SLC2A13: variants seen among roughly 807,000 people sequenced by gnomAD.
SLC2A13 encodes solute carrier family 2 member 13, also known as proton myo-inositol cotransporter.
A neutral mutation model predicts 64.4 loss-of-function variants in SLC2A13; 32 were observed. That is an observed-to-expected ratio of 0.50 (90% CI 0.37 to 0.67). The LOEUF (loss-of-function observed/expected upper bound fraction) is 0.67, where lower values mean the gene tolerates loss of function less well. SLC2A13 is among the 30% of genes least tolerant of loss of function. The pLI is 0.00. For missense variants in SLC2A13, 743 were observed against 829.2 expected, an observed-to-expected ratio of 0.90 and a Z score of 1.28; for synonymous variants, 338 against 327.1, an observed-to-expected ratio of 1.03 and a Z score of -0.36.
chr12:39,984,248 G>A (rs1591979551), intron 3 of SLC2A13, among the ~76,000 whole-genome samples: 1 of 151,862 alleles, frequency 6.6e-6, no homozygotes. Flanking sequence ...GTTAGTGGGT[G>A]CAGTGCACCA....
chr12:39,951,333 G>T lies in SLC2A13; in HGVS notation c.958C>A (p.Pro320Thr), dbSNP rs1235738516. 6.2e-7 allele frequency: 1 copy of T among 1,609,660 alleles called. No individual in the cohort carries two copies. Among genetic ancestry groups the T allele is most frequent in the East Asian group, 2.2e-5 (1 of 44,674 alleles). The stretch of plus-strand genomic sequence containing the variant: ...ACAATTAAAGCTCGGCGAGTTGGGG[G>T]ATAACTCAGCATTCTGCAGATCACA... ...GPVICRMLSYPPTRRALIVGC... is the reference protein window; with the variant it reads ...GPVICRMLSYTPTRRALIVGC... Residue 320 changes from proline to threonine, a missense_variant, in exon 4 of 10, where the codon CCC (proline) becomes ACC (threonine). By Grantham distance (38) the Pro-to-Thr change is conservative. Around this residue, in one of 2 missense-constraint regions of SLC2A13, gnomAD observed 448 missense variants for 447.4 expected, o/e 1.00. Transcript: ENST00000280871.
In SLC2A13 at chr12:39,759,271, TA is replaced by T; in HGVS notation, c.*754del. ...CCTTTAATCTGTTACTTTCTGAACA[TA>T]AAAGGTACTTCTCAAAACTTCCTAG... is the stretch of plus-strand genomic sequence containing the variant. On this transcript the variant is annotated 3_prime_UTR_variant, in exon 10 of 10. Transcript: ENST00000280871. 1 of 152,280 alleles carries T rather than the reference TA, an allele frequency of 6.6e-6. No individual in the cohort carries two copies. Among genetic ancestry groups the T allele is most frequent in the South Asian group, 2.1e-4 (1 of 4,820 alleles). The allele number at this position is 152,280 out of a possible 1,614,324, so 9.4% of individuals were successfully genotyped here.
In SLC2A13 at chr12:39,879,799, GGCAAGATT is replaced by G. The variant is rs370356717; in HGVS notation, c.1035-7846_1035-7839del. ...TAAGACTTTGAGGGACCATTGGGAA[GGCAAGATT>G]GTATTTTGCAACGTGAGAAGGACAT... On this transcript the variant is annotated intron_variant, in intron 4 of 9. Coordinates refer to ENST00000280871, the MANE Select transcript of SLC2A13 (RefSeq NM_052885.4). Among the ~76,000 whole-genome samples the G allele has an allele frequency of 6.9e-3, 1,047 of 152,272 alleles. 9 individuals are homozygous for G. Among genetic ancestry groups the G allele is most frequent in the African/African-American group, 0.024 (1,004 of 41,528 alleles).
At chr12:39,764,682 A>G in intron 8 of SLC2A13, 55 bp downstream of exon 8, 1 of 1,591,898 alleles carries the variant, frequency 6.3e-7, no homozygotes, top group South Asian at 1.2e-5. Context: ...TAGTTTATCT[A>G]CTCCAAAAAG....
At chr12:40,049,284 A>G (rs1948216261) in intron 1 of SLC2A13, among the ~76,000 whole-genome samples, 1 of 152,166 alleles carries the variant, frequency 6.6e-6, no homozygotes, top group Admixed American at 6.5e-5. Flanking sequence ...TCCTTAGATT[A>G]AGCCAGAACA....
At chr12:39,987,366 CCT>C (rs912121605) in intron 3 of SLC2A13, among the ~76,000 whole-genome samples, 2 of 152,140 alleles carry the variant, frequency 1.3e-5, no homozygotes, top group African/African-American at 2.4e-5. Flanking sequence ...CCAAATTTGC[CCT>C]GTCTCTTGAA....
Position 40,014,445 on chromosome 12 carries a change from CT to C in SLC2A13, c.925+13855del, listed in dbSNP as rs149986983. ...TCCATAAAAAGATTCCACTTGAATA[CT>C]TCAAAATTAAGTGTTGGACTAGTCC... On this transcript the variant is annotated intron_variant, in intron 3 of 9. Coordinates refer to ENST00000280871, the MANE Select transcript of SLC2A13 (RefSeq NM_052885.4). 1.7e-3 allele frequency among the ~76,000 whole-genome samples: 261 copies of C among 152,236 alleles called. 3 individuals are homozygous for C. The East Asian group carries it at 0.037, about 21-fold the overall frequency.
In SLC2A13 at chr12:39,911,184, C is replaced by T. The variant is rs954522070; in HGVS notation, c.1035-39223G>A. On this transcript the variant is annotated intron_variant, in intron 4 of 9. Coordinates refer to ENST00000280871, the MANE Select transcript of SLC2A13 (RefSeq NM_052885.4). ...CACTCTAATATGTGTTCCTGCTAGA[C>T]ACAGCATTTAACAGAGTGAACATGA... Among the ~76,000 whole-genome samples, 14 of 152,082 alleles carry T rather than the reference C, an allele frequency of 9.2e-5. 1 individual carries two copies. The highest frequency in any genetic ancestry group is 3.4e-4 in the African/African-American group (14 of 41,372).
rs547093218 is a variant in SLC2A13 at position 39,836,523 on chromosome 12, C to A, written c.1320-6295G>T. On this transcript the variant is annotated intron_variant, in intron 6 of 9. Transcript: ENST00000280871. Reference sequence around the variant, plus strand: ...GCAGGAGAAGGAAATAAAGGGTATTCAATTAGGAAAAGAGGAAGTCAAATT... The same window carrying A: ...GCAGGAGAAGGAAATAAAGGGTATTAAATTAGGAAAAGAGGAAGTCAAATT... Among the ~76,000 whole-genome samples, 919 of 151,510 alleles carry A rather than the reference C, an allele frequency of 6.1e-3. 8 individuals carry two copies. Among genetic ancestry groups the A allele is most frequent in the African/African-American group, 0.021 (872 of 41,234 alleles).
chr12:40,082,849 T>C (rs1938458271), intron 1 of SLC2A13, among the ~76,000 whole-genome samples: 1 of 152,162 alleles, frequency 6.6e-6, no homozygotes, highest in African/African-American at 2.4e-5. Flanking sequence ...CACTCGCCCA[T>C]TCCCCAGGAG....
At chr12:39,991,139 G>GTTT (rs1947132119) in intron 3 of SLC2A13, among the ~76,000 whole-genome samples, 1 of 152,180 alleles carries the variant, frequency 6.6e-6, no homozygotes, top group South Asian at 2.1e-4. Flanking sequence ...GAAAGACTGT[G>GTTT]TTTTTCTCTA....
intron 4 of SLC2A13, among the ~76,000 whole-genome samples, chr12:39,896,310 A>ATGTATG (rs1491216734): frequency 1.0e-4 from 13 of 126,736 alleles, no homozygotes; most frequent in African/African-American, 3.6e-4. Context: ...ATATGTATAC[A>ATGTATG]TATATGTATG....
At chr12:39,817,710 A>T (rs556320785) in intron 7 of SLC2A13, among the ~76,000 whole-genome samples, 134 of 152,350 alleles carry the variant, frequency 8.8e-4, no homozygotes, top group African/African-American at 3.2e-3. Flanking sequence ...TATATATTTT[A>T]AAATATCTAT....
At chr12:39,909,211 G>A (rs1945366562) in intron 4 of SLC2A13, among the ~76,000 whole-genome samples, 1 of 151,776 alleles carries the variant, frequency 6.6e-6, no homozygotes, top group African/African-American at 2.4e-5. Context: ...ACTGTTGTGA[G>A]GTCTAAATGT....
chr12:39,933,690 G>A (rs1351054993), intron 4 of SLC2A13, among the ~76,000 whole-genome samples: 1 of 152,186 alleles, frequency 6.6e-6, no homozygotes, highest in Non-Finnish European at 1.5e-5. Flanking sequence ...TAGCTTTAGT[G>A]CTAAGACTTG....
intron 7 of SLC2A13, among the ~76,000 whole-genome samples, chr12:39,781,647 T>C (rs1433488386): frequency 2.0e-5 from 3 of 152,248 alleles, no homozygotes; most frequent in African/African-American, 7.2e-5. Context: ...GCTATGAATT[T>C]CCATATTATA....
At chr12:39,783,929 T>C (rs1941090392) in intron 7 of SLC2A13, among the ~76,000 whole-genome samples, 2 of 152,002 alleles carry the variant, frequency 1.3e-5, no homozygotes, top group South Asian at 2.1e-4. Context: ...TGTACACAAA[T>C]AACAGACAAA....
At chr12:39,895,811 C>T (rs62647579) in intron 4 of SLC2A13, among the ~76,000 whole-genome samples, 242 of 5,948 alleles carry the variant, frequency 0.041, 39 homozygotes, top group East Asian at 0.34. Flanking sequence ...TGCGTGTATA[C>T]GTACACACAT....
intron 3 of SLC2A13, among the ~76,000 whole-genome samples, chr12:39,986,542 C>T (rs1947034803): frequency 6.6e-6 from 1 of 151,746 alleles, no homozygotes; most frequent in Admixed American, 6.6e-5. Flanking sequence ...TGAAAAAAGG[C>T]ACACAAAATA....
Sources: gnomAD v4.1 joint callset for allele counts (sites outside exome capture counted in the v4.1 genomes callset) on GRCh38, gnomAD v4.1.1 for gene constraint, gnomAD v4.1.1 regional missense constraint, MANE v1.5 for transcripts, NCBI Gene and HGNC (gene_info 2026-07-23, HGNC 2026-07-21) for gene names.